The following KAZN variants were observed in gnomAD, a reference collection of about 807,000 sequenced individuals.
KAZN encodes the protein kazrin.
Under a neutral mutation model 87.4 loss-of-function variants are expected in KAZN, and 40 were observed. The ratio of observed to expected loss-of-function variants is 0.46; its 90% CI spans 0.36 to 0.60. The LOEUF is 0.60. KAZN is among the 20% of genes least tolerant of loss of function. The pLI is 0.00. For synonymous variants in KAZN, 466 were observed against 458.3 expected, an observed-to-expected ratio of 1.02 and a Z score of -0.22; for missense variants, 898 against 1,073.9, an observed-to-expected ratio of 0.84 and a Z score of 2.29.
chr1:14,796,294 T>C (rs1160591561), intron 1 of KAZN, among the ~76,000 whole-genome samples: 1 of 152,136 alleles, frequency 6.6e-6, no homozygotes, highest in African/African-American at 2.4e-5. Flanking sequence ...CACCCGGGCT[T>C]TCCCAGCCAA....
At chr1:14,392,163 C>A (rs994311008) in intron 2 of KAZN, among the ~76,000 whole-genome samples, 2 of 152,162 alleles carry the variant, frequency 1.3e-5, no homozygotes, top group Non-Finnish European at 2.9e-5. Context: ...CTCTTTATCC[C>A]CTGAGCCAAT....
chr1:14,569,340 T>TTTTTTTTA (rs1674722899), intron 2 of KAZN, among the ~76,000 whole-genome samples: 2 of 147,626 alleles, frequency 1.4e-5, no homozygotes, highest in African/African-American at 2.5e-5. Flanking sequence ...TTTTTTTTTT[T>TTTTTTTTA]GAGACGGAGT....
chr1:14,472,085 TA>T (rs143740732), intron 2 of KAZN, among the ~76,000 whole-genome samples: 1,954 of 152,280 alleles, frequency 0.013, 14 homozygotes, highest in Non-Finnish European at 0.022. Flanking sequence ...TCTTGCTGCT[TA>T]CTCACATGGC....
chr1:14,687,325 CAG>C (rs1394205634), intron 1 of KAZN, among the ~76,000 whole-genome samples: 1 of 152,200 alleles, frequency 6.6e-6, no homozygotes, highest in African/African-American at 2.4e-5. Flanking sequence ...TTTGCTGGAA[CAG>C]AGAGATGACG....
At chr1:14,117,385 A>C (rs1644647872) in intron 1 of KAZN, among the ~76,000 whole-genome samples, 2 of 152,192 alleles carry the variant, frequency 1.3e-5, no homozygotes, top group Admixed American at 6.5e-5. Context: ...TCCCTGCGCA[A>C]GCTTCTTCTG....
intron 1 of KAZN, among the ~76,000 whole-genome samples, chr1:14,883,179 C>T (rs1038100845): frequency 1.4e-4 from 21 of 151,650 alleles, no homozygotes; most frequent in African/African-American, 4.8e-4. Flanking sequence ...CCTGTAATCC[C>T]AGTTACTCAG....
chr1:14,003,209 C>T lies in KAZN; in HGVS notation c.91+109453C>T, dbSNP rs150918530. On this transcript the variant is annotated intron_variant, in intron 1 of 16. Coordinates refer to the KAZN transcript ENST00000636203. ...CACACACCAGGGCCTGTTAGGGGGT[C>T]GGGGGCAAGAGGAGGGAACTTAGAG... Among the ~76,000 whole-genome samples the T allele has an allele frequency of 9.1e-3, 1,363 of 150,330 alleles. 24 individuals are homozygous for T. The highest frequency in any genetic ancestry group is 0.032 in the African/African-American group (1,316 of 41,052).
At chr1:14,918,614 T>C (rs1422643843) in intron 1 of KAZN, among the ~76,000 whole-genome samples, 1 of 144,334 alleles carries the variant, frequency 6.9e-6, no homozygotes, top group Non-Finnish European at 1.5e-5. Flanking sequence ...CAGCAGAGGT[T>C]GCAGTGAGCT....
chr1:14,311,763 T>A (rs1216675363), intron 2 of KAZN, among the ~76,000 whole-genome samples: 1 of 151,872 alleles, frequency 6.6e-6, no homozygotes, highest in East Asian at 1.9e-4. Context: ...GATAAATGGA[T>A]GGGTGGATGG....
intron 1 of KAZN, among the ~76,000 whole-genome samples, chr1:13,965,889 A>T (rs918341133): frequency 1.3e-5 from 2 of 152,144 alleles, no homozygotes; most frequent in African/African-American, 4.8e-5. Context: ...TCCAGAGTTC[A>T]TGATTCCAGC....
At chr1:14,084,791 A>G (rs1424378643) in intron 1 of KAZN, among the ~76,000 whole-genome samples, 2 of 151,938 alleles carry the variant, frequency 1.3e-5, no homozygotes, top group Non-Finnish European at 1.5e-5. Context: ...ATGACGAGTT[A>G]ATGGGTGCAG....
chr1:14,510,728 A>G (rs1670857139), intron 2 of KAZN, among the ~76,000 whole-genome samples: 1 of 152,212 alleles, frequency 6.6e-6, no homozygotes, highest in Non-Finnish European at 1.5e-5. Flanking sequence ...GAGAGAGTCA[A>G]TGTTGATCAG....
intron 1 of KAZN, among the ~76,000 whole-genome samples, chr1:14,696,697 C>T (rs1641621336): frequency 6.6e-6 from 1 of 152,178 alleles, no homozygotes; most frequent in South Asian, 2.1e-4. Flanking sequence ...GTCTGGGTCC[C>T]ACTCCCAGAG....
At chr1:14,056,818 C>G (rs1056031289) in intron 1 of KAZN, among the ~76,000 whole-genome samples, 1 of 152,058 alleles carries the variant, frequency 6.6e-6, no homozygotes, top group African/African-American at 2.4e-5. Context: ...ACTATGGCCT[C>G]GCTCCTGTAC....
intron 1 of KAZN, among the ~76,000 whole-genome samples, chr1:14,722,072 A>G (rs1643137924): frequency 6.6e-6 from 1 of 151,984 alleles, no homozygotes; most frequent in Non-Finnish European, 1.5e-5. Flanking sequence ...GAATTGCTTG[A>G]ACCCAGGAGG....
intron 1 of KAZN, among the ~76,000 whole-genome samples, chr1:14,901,231 G>A (rs567571989): frequency 3.3e-5 from 5 of 152,298 alleles, no homozygotes; most frequent in South Asian, 2.1e-4. Flanking sequence ...GGCATCTGTC[G>A]GACGGGGAAA....
At chr1:14,492,207 G>C (rs1669684881) in intron 2 of KAZN, among the ~76,000 whole-genome samples, 1 of 152,118 alleles carries the variant, frequency 6.6e-6, no homozygotes, top group African/African-American at 2.4e-5. Flanking sequence ...ACTTGCCCAA[G>C]AAGAGTGAAT....
chr1:15,007,638 T>G (rs970702691), intron 2 of KAZN, among the ~76,000 whole-genome samples: 5 of 152,150 alleles, frequency 3.3e-5, no homozygotes, highest in African/African-American at 9.7e-5. Flanking sequence ...GCCCTCCCCT[T>G]CCTTCCCTTC....
chr1:14,876,288 C>T (rs529802970), intron 1 of KAZN, among the ~76,000 whole-genome samples: 38 of 152,332 alleles, frequency 2.5e-4, no homozygotes, highest in Non-Finnish European at 4.4e-4. Context: ...GTGGTAGCTG[C>T]GTTTATTACA....
Sources: gnomAD v4.1 joint callset for allele counts (sites outside exome capture counted in the v4.1 genomes callset) on GRCh38, gnomAD v4.1.1 for gene constraint, MANE v1.5 for transcripts, NCBI Gene and HGNC (gene_info 2026-07-23, HGNC 2026-07-21) for gene names.